The following PROX2 variants were observed in gnomAD, a reference collection of about 807,000 sequenced individuals.
PROX2 encodes prospero homeobox 2, also known as prospero homeobox protein 2.
In PROX2, 46 loss-of-function variants were observed where a neutral mutation model predicts 48.9. That is an observed-to-expected ratio of 0.94 (90% confidence interval 0.74 to 1.20). The LOEUF (loss-of-function observed/expected upper bound fraction) is 1.20, where lower values mean the gene tolerates loss of function less well. Ranked by LOEUF, PROX2 falls within the 50% of genes most tolerant of loss-of-function variation. The pLI, the probability that PROX2 is intolerant of heterozygous loss-of-function variation, is 0.00. For missense variants in PROX2, 663 were observed against 719.4 expected, an observed-to-expected ratio of 0.92 and a Z score of 0.90; for synonymous variants, 260 against 276.6, an observed-to-expected ratio of 0.94 and a Z score of 0.60.
chr14:74,863,958 A>T lies in PROX2; in HGVS notation c.-124T>A. On this transcript the variant is annotated 5_prime_UTR_variant, in exon 3 of 6. Coordinates refer to ENST00000556489, the MANE Select transcript of PROX2 (RefSeq NM_001243007.2). The stretch of plus-strand genomic sequence containing the variant: ...GGGTAAAGAGCCACTGTCACTGAGG[A>T]AGGATTCAGATTCTGGGATGCCAGG... The T allele has an allele frequency of 8.2e-7, 1 of 1,220,350 alleles. No homozygotes were observed. The highest frequency in any genetic ancestry group is 2.9e-5 in the East Asian group (1 of 33,968). The allele number at this position is 1,220,350 out of a possible 1,614,324, so 75.6% of individuals were successfully genotyped here.
At chr14:74,866,756 T>C (rs1883076747) in intron 2 of PROX2, among the ~76,000 whole-genome samples, 1 of 152,106 alleles carries the variant, frequency 6.6e-6, no homozygotes, top group East Asian at 1.9e-4. Context: ...TCAAGGAGTT[T>C]TGTAAAGAGG....
At chr14:74,873,560 TTA>T (rs1883268213) in intron 1 of PROX2, 1 of 218,794 alleles carries the variant, frequency 4.6e-6, no homozygotes, top group African/African-American at 2.3e-5. Context: ...CTCCAGATTT[TTA>T]TATTTTTAGA....
At chr14:74,865,478 C>T (rs1306230645) in intron 2 of PROX2, 1 of 152,290 alleles carries the variant, frequency 6.6e-6, no homozygotes, top group Non-Finnish European at 1.5e-5. Flanking sequence ...CTGCCTAAAG[C>T]TGTTTTATTC....
intron 3 of PROX2, among the ~76,000 whole-genome samples, chr14:74,859,879 T>C (rs149046126): frequency 8.1e-4 from 124 of 152,338 alleles, no homozygotes; most frequent in African/African-American, 2.8e-3. Context: ...GAATCCTGGA[T>C]TGGGATTCCA....
intron 3 of PROX2, chr14:74,861,206 C>T (rs115463631): frequency 1.5e-6 from 2 of 1,352,718 alleles, no homozygotes; most frequent in East Asian, 9.1e-5. Context: ...CACGACTGTT[C>T]CCACCTGGAT....
At chr14:74,862,266 A>G (rs955276097) in intron 3 of PROX2, among the ~76,000 whole-genome samples, 1 of 152,220 alleles carries the variant, frequency 6.6e-6, no homozygotes, top group Non-Finnish European at 1.5e-5. Context: ...CAGTGGTGCA[A>G]TCATAGCTCA....
rs148015686 is a variant in PROX2 at position 74,855,485 on chromosome 14, A to T, written c.1609-183T>A. On this transcript the variant is annotated intron_variant, in intron 5 of 5. Coordinates refer to ENST00000556489, the MANE Select transcript of PROX2 (RefSeq NM_001243007.2). The stretch of plus-strand genomic sequence containing the variant: ...GCTTCCTCATCAGACACAAACCTTG[A>T]TAAGACAGCTCCAGTGAGAAAGCCC... 1,949 of 409,800 alleles carry T rather than the reference A, an allele frequency of 4.8e-3. 28 individuals carry two copies. Among genetic ancestry groups the T allele is most frequent in the African/African-American group, 0.035 (1,737 of 49,432 alleles). The allele number at this position is 409,800 out of a possible 1,614,324, so 25.4% of individuals were successfully genotyped here. A position where few individuals can be genotyped will look rare whatever the true frequency, so the allele number is the denominator to read the frequency against.
intron 2 of PROX2, among the ~76,000 whole-genome samples, chr14:74,865,750 G>T (rs2140171048): frequency 6.6e-6 from 1 of 152,126 alleles, no homozygotes; most frequent in African/African-American, 2.4e-5. Context: ...AGAATGGCAT[G>T]AATCTGGGGG....
At position 74,863,213 on chromosome 14, in the gene PROX2, C is replaced by G. The variant is rs781586226; in HGVS notation, c.622G>C (p.Glu208Gln). 1.9e-6 allele frequency: 3 copies of G among 1,614,012 alleles called. No individual in the cohort carries two copies. Among genetic ancestry groups the G allele is most frequent in the South Asian group, 2.2e-5 (2 of 91,088 alleles). The change falls in exon 3 of 6, where the codon GAG becomes CAG. Residue 208 changes from glutamate to glutamine, a missense_variant. Glu to Gln is a conservative substitution (Grantham distance 29, BLOSUM62 2). Transcript: ENST00000556489. ...KDLSGAEKHQ[E>Q]SEKPSFLPSG... Reference sequence around the variant, plus strand: ...GGAAGGAAACTGGGCTTCTCAGACTCTTGGTGTTTTTCTGCCCCAGAGAGG... The same window carrying G: ...GGAAGGAAACTGGGCTTCTCAGACTGTTGGTGTTTTTCTGCCCCAGAGAGG...
chr14:74,872,256 ATTG>A (rs1345982117), intron 1 of PROX2, among the ~76,000 whole-genome samples: 1 of 152,214 alleles, frequency 6.6e-6, no homozygotes, highest in Non-Finnish European at 1.5e-5. Flanking sequence ...AAGCAGTTTT[ATTG>A]TTATTTCCTT....
rs1425831414 is a variant in PROX2 at position 74,854,939 on chromosome 14, T to C, written c.*193A>G. ...ACTACCAATACACCAATATAGTTAG[T>C]ACATTTTATAGTTAAATTTCTGATG... On this transcript the variant is annotated 3_prime_UTR_variant, in exon 6 of 6. Coordinates refer to ENST00000556489, the MANE Select transcript of PROX2 (RefSeq NM_001243007.2). 1 of 411,686 alleles carries C rather than the reference T, an allele frequency of 2.4e-6. No homozygotes were observed. 25.5% of individuals were successfully genotyped at this position (411,686 alleles called of 1,614,324 possible). A position where few individuals can be genotyped will look rare whatever the true frequency, so the allele number is the denominator to read the frequency against.
chr14:74,867,130 T>C (rs902977867), intron 2 of PROX2, among the ~76,000 whole-genome samples: 12 of 152,206 alleles, frequency 7.9e-5, no homozygotes, highest in Non-Finnish European at 1.2e-4. Flanking sequence ...GGTATTAATC[T>C]TCTAAAATGT....
At chr14:74,869,926 AAT>A (rs769479027) in intron 2 of PROX2, among the ~76,000 whole-genome samples, 2 of 152,220 alleles carry the variant, frequency 1.3e-5, no homozygotes, top group African/African-American at 2.4e-5. Flanking sequence ...AAGCCAAGAA[AAT>A]GATGGCTAGA....
Position 74,873,200 on chromosome 14 carries a change from G to T in PROX2, c.-309-1963C>A, listed in dbSNP as rs182089848. ...GGGTTTCACCATGTTAGCCAGGATG[G>T]TCTCAATCTCCTGATCTCATGATCT... On this transcript the variant is annotated intron_variant, in intron 1 of 5. Transcript: ENST00000556489. Among the ~76,000 whole-genome samples, 205 of 152,186 alleles carry T rather than the reference G, an allele frequency of 1.3e-3. 1 individual carries two copies. Among genetic ancestry groups the T allele is most frequent in the South Asian group, 3.1e-3 (15 of 4,822 alleles).
chr14:74,870,592 TG>T (rs1883188962), intron 2 of PROX2, among the ~76,000 whole-genome samples: 1 of 152,178 alleles, frequency 6.6e-6, no homozygotes, highest in African/African-American at 2.4e-5. Context: ...TTAATGGATA[TG>T]TTTTCAGTTT....
intron 2 of PROX2, among the ~76,000 whole-genome samples, chr14:74,868,404 T>G (rs1450597564): frequency 6.8e-6 from 1 of 147,086 alleles, no homozygotes; most frequent in Non-Finnish European, 1.5e-5. Flanking sequence ...TGCCTCCATT[T>G]TTAAATCTTT....
At position 74,858,173 on chromosome 14, in the gene PROX2, G is replaced by A. The variant is rs1442162374; in HGVS notation, c.1413+234C>T. ...TTCCTGCCCATGTGTTTCTGTTTTG[G>A]GGATTATCTACAGCTCAGTAGCTTA... On this transcript the variant is annotated intron_variant, in intron 4 of 5. Coordinates refer to ENST00000556489, the MANE Select transcript of PROX2 (RefSeq NM_001243007.2). The A allele has an allele frequency of 1.2e-4, 49 of 395,106 alleles. 1 individual carries two copies. In the Middle Eastern group the frequency reaches 2.0e-3, roughly 16 times the overall value. 24.5% of individuals were successfully genotyped at this position (395,106 alleles called of 1,614,324 possible).
Position 74,855,154 on chromosome 14 carries a change from T to A in PROX2, c.1757A>T (p.Lys586Ile). 3 of 1,566,100 alleles carry A rather than the reference T, an allele frequency of 1.9e-6. No individual in the cohort carries two copies. Among genetic ancestry groups the A allele is most frequent in the Non-Finnish European group, 2.6e-6 (3 of 1,147,542 alleles). The change falls in exon 6 of 6, where the codon AAA (lysine) becomes ATA (isoleucine). Residue 586 changes from lysine to isoleucine, a missense_variant. Transcript: ENST00000556489. The stretch of plus-strand genomic sequence containing the variant: ...CAGCTACTGGGGATAGCTGGAAGAT[T>A]TGAATATCTCTGGGATGTCACTGTC... ...KLDSDIPEIFKSSSYPQ is the reference protein window; with the variant it reads ...KLDSDIPEIFISSSYPQ
chr14:74,853,186 C>T lies in PROX2; in HGVS notation c.*1946G>A, dbSNP rs905171599. ...ACAAGGTTCACTGCCCTGGAGGTGA[C>T]TTGGCTCAGTCTTTAAACACACACT... On this transcript the variant is annotated 3_prime_UTR_variant, in exon 6 of 6. Transcript: ENST00000556489. The T allele has an allele frequency of 1.3e-5, 2 of 152,180 alleles. No homozygotes were observed. Among genetic ancestry groups the T allele is most frequent in the African/African-American group, 4.8e-5 (2 of 41,436 alleles). 9.4% of individuals were successfully genotyped at this position (152,180 alleles called of 1,614,324 possible). A position where few individuals can be genotyped will look rare whatever the true frequency, so the allele number is the denominator to read the frequency against.
Sources: allele counts gnomAD v4.1 joint callset (sites outside exome capture counted in the v4.1 genomes callset), GRCh38; gene constraint gnomAD v4.1.1; transcripts MANE v1.5; gene names NCBI Gene and HGNC (gene_info 2026-07-23, HGNC 2026-07-21).